The following LYPD8 variants were observed in gnomAD, a reference collection of about 807,000 sequenced individuals.
The protein encoded by LYPD8 is ly6/PLAUR domain-containing protein 8.
In LYPD8, 8 loss-of-function variants were observed where a neutral mutation model predicts 1.7. The observed-to-expected ratio is 4.58, with a 90% CI of 2.69 to 8.27. The LOEUF (loss-of-function observed/expected upper bound fraction) is 8.27. Ranked by LOEUF, LYPD8 falls within the 30% of genes most tolerant of loss-of-function variation. The pLI, the probability that LYPD8 is intolerant of heterozygous loss-of-function variation, is 0.00. For missense variants in LYPD8, 112 were observed against 102.3 expected, an observed-to-expected ratio of 1.09 and a Z score of -0.41; for synonymous variants, 50 against 43.6, an observed-to-expected ratio of 1.15 and a Z score of -0.58.
At chr1:248,754,858 A>C (rs1441380094) in intron 2 of LYPD8, among the ~76,000 whole-genome samples, 2 of 150,950 alleles carry the variant, frequency 1.3e-5, no homozygotes, top group African/African-American at 4.9e-5. Context: ...GCCCGGGTGC[A>C]CCCCTCCAGG....
chr1:248,739,809 G>A lies in LYPD8; in HGVS notation c.516C>T (p.Asn172=), dbSNP rs1553283091. The A allele has an allele frequency of 7.7e-6, 12 of 1,551,612 alleles. No homozygotes were observed. The highest frequency in any genetic ancestry group is 4.8e-5 in the South Asian group (4 of 84,070). ...SKSLVLKGCS[N]VSNATCQFLS... is the part of the protein sequence containing the mutation. The stretch of plus-strand genomic sequence containing the variant: ...GGAACTGACAGGTGGCGTTACTGAC[G>A]TTGGAACAGCCTTTCAGCACGAGAC... The change falls in exon 7 of 7, where the codon AAC becomes AAT. Residue 172 remains asparagine (N), a synonymous_variant. Coordinates refer to ENST00000590317, the MANE Select transcript of LYPD8 (RefSeq NM_001085474.2). The surrounding 1 kb of genome is among the most constrained non-coding windows in gnomAD (Gnocchi z 4.3).
intron 5 of LYPD8, 82 bp from the exon 6 acceptor site, chr1:248,745,361 C>T: frequency 5.0e-6 from 2 of 396,898 alleles, no homozygotes; most frequent in Non-Finnish European, 4.4e-6. Context: ...AAAGAAAGCA[C>T]CAAAGAGATC....
intron 2 of LYPD8, among the ~76,000 whole-genome samples, chr1:248,751,951 G>A (rs978021895): frequency 2.2e-3 from 341 of 152,234 alleles, no homozygotes; most frequent in African/African-American, 7.8e-3. Flanking sequence ...GCTAAGGTTT[G>A]GTTATATTCA....
intron 2 of LYPD8, among the ~76,000 whole-genome samples, chr1:248,754,042 C>T (rs1662885490): frequency 6.7e-6 from 1 of 148,870 alleles, no homozygotes; most frequent in African/African-American, 2.5e-5. Context: ...CCACACATCA[C>T]ATGTCACAAA....
intron 6 of LYPD8, among the ~76,000 whole-genome samples, chr1:248,743,171 A>G (rs1662648346): frequency 1.3e-5 from 2 of 152,166 alleles, no homozygotes; most frequent in African/African-American, 4.8e-5. Context: ...AAAACAGTAT[A>G]AAGAGGTTCG....
intron 2 of LYPD8, among the ~76,000 whole-genome samples, chr1:248,752,894 A>G (rs1662838502): frequency 2.1e-5 from 2 of 97,458 alleles, no homozygotes; most frequent in Non-Finnish European, 2.0e-5. Context: ...ACACATACAC[A>G]CATCACACAC....
intron 2 of LYPD8, among the ~76,000 whole-genome samples, chr1:248,752,793 CA>C (rs1662831099): frequency 1.7e-5 from 2 of 114,900 alleles, no homozygotes; most frequent in African/African-American, 3.7e-5. Context: ...ACCACACACA[CA>C]CCACACCCCA....
chr1:248,750,701 C>G, intron 3 of LYPD8, 58 bp from the exon 4 acceptor site: 1 of 398,518 alleles, frequency 2.5e-6, no homozygotes, highest in Non-Finnish European at 4.4e-6. Context: ...ATAGAGCATA[C>G]TCTACTCTAG....
intron 4 of LYPD8, 85 bp downstream of exon 4, chr1:248,750,439 C>A (rs1403625779): frequency 1.0e-5 from 4 of 397,688 alleles, no homozygotes; most frequent in Non-Finnish European, 4.4e-6. Flanking sequence ...CCCTTCTCTG[C>A]CTTTCTTTCC....
chr1:248,739,886 G>C lies in LYPD8; in HGVS notation c.476-37C>G. ...AAGGAGACAGGAGGGACGCCACTCA[G>C]TCCTTTGTCCTTCCACCCACGCCTG... On this transcript the variant is annotated intron_variant, in intron 6 of 6. Transcript: ENST00000590317. The surrounding 1 kb of genome is among the most constrained non-coding windows in gnomAD (Gnocchi z 4.3). 3 of 1,549,532 alleles carry C rather than the reference G, an allele frequency of 1.9e-6. No individual in the cohort carries two copies. Among genetic ancestry groups the C allele is most frequent in the Non-Finnish European group, 2.6e-6 (3 of 1,145,996 alleles).
chr1:248,743,884 C>T (rs996874662), intron 6 of LYPD8, among the ~76,000 whole-genome samples: 14 of 152,342 alleles, frequency 9.2e-5, no homozygotes, highest in African/African-American at 2.2e-4. Context: ...ACAGAAGGAG[C>T]GCATGGCCTG....
intron 2 of LYPD8, among the ~76,000 whole-genome samples, chr1:248,754,050 AAAC>A (rs1662885943): frequency 6.7e-6 from 1 of 148,578 alleles, no homozygotes; most frequent in Admixed American, 6.7e-5. Flanking sequence ...CACATGTCAC[AAAC>A]ACCACACAGC....
chr1:248,750,991 G>T, intron 3 of LYPD8, 39 bp downstream of exon 3: 2 of 398,558 alleles, frequency 5.0e-6, no homozygotes, highest in Non-Finnish European at 8.8e-6. Context: ...TGGAAAAGGG[G>T]GTCTCCATTC....
At chr1:248,748,683 C>T (rs992789906) in intron 4 of LYPD8, among the ~76,000 whole-genome samples, 1 of 152,174 alleles carries the variant, frequency 6.6e-6, no homozygotes, top group South Asian at 2.1e-4. Context: ...AAACTCCAGG[C>T]AAAAGTCTGA....
chr1:248,739,545 G>T lies in LYPD8; in HGVS notation c.*66C>A, dbSNP rs887640919. ...AGCAGGGAAAGAGGGTGTCAGCACCGCAGGGGGTGCTCTGGACCTCAGAGA... is the reference window on the plus strand; with the variant it reads ...AGCAGGGAAAGAGGGTGTCAGCACCTCAGGGGGTGCTCTGGACCTCAGAGA... On this transcript the variant is annotated 3_prime_UTR_variant, in exon 7 of 7. Transcript: ENST00000590317. The surrounding 1 kb of genome is among the most constrained non-coding windows in gnomAD (Gnocchi z 4.3). 7.8e-6 allele frequency: 12 copies of T among 1,543,796 alleles called. No individual in the cohort carries two copies. Among genetic ancestry groups the T allele is most frequent in the Non-Finnish European group, 1.0e-5 (12 of 1,143,288 alleles).
At chr1:248,753,122 CAA>C (rs1662850285) in intron 2 of LYPD8, among the ~76,000 whole-genome samples, 1 of 94,764 alleles carries the variant, frequency 1.1e-5, no homozygotes, top group Non-Finnish European at 2.4e-5. Flanking sequence ...ACAACACACA[CAA>C]CACAACACAC....
At chr1:248,746,056 A>G (rs1451764996) in intron 5 of LYPD8, among the ~76,000 whole-genome samples, 1 of 152,230 alleles carries the variant, frequency 6.6e-6, no homozygotes, top group African/African-American at 2.4e-5. Context: ...TCCAAAAGGT[A>G]TAATAACAAT....
At chr1:248,743,957 G>A (rs1275573794) in intron 6 of LYPD8, among the ~76,000 whole-genome samples, 1 of 152,226 alleles carries the variant, frequency 6.6e-6, no homozygotes, top group Non-Finnish European at 1.5e-5. Flanking sequence ...ATAGGCTTTG[G>A]AGGTTGTTCT....
chr1:248,743,453 A>C (rs770921604), intron 6 of LYPD8, among the ~76,000 whole-genome samples: 6 of 152,208 alleles, frequency 3.9e-5, no homozygotes, highest in Non-Finnish European at 8.8e-5. Flanking sequence ...CGACAGAGCA[A>C]GACTCCATCT....
Sources: allele counts gnomAD v4.1 joint callset (sites outside exome capture counted in the v4.1 genomes callset), GRCh38; gene constraint gnomAD v4.1.1; non-coding constraint Gnocchi (gnomAD v3.1); transcripts MANE v1.5; gene names NCBI Gene and HGNC (gene_info 2026-07-23, HGNC 2026-07-21).